The following PDE3B variants were observed in gnomAD, a reference collection of about 807,000 sequenced individuals.
PDE3B encodes the protein phosphodiesterase 3B, also known as cGMP-inhibited 3',5'-cyclic phosphodiesterase 3B.
Under a neutral mutation model 116.8 loss-of-function variants are expected in PDE3B, and 66 were observed. That is an observed-to-expected ratio of 0.56 (90% CI 0.46 to 0.69). The LOEUF is 0.69. Among genes scored for constraint, PDE3B ranks in the 30% least tolerant of loss-of-function variants. The pLI, the probability that PDE3B is intolerant of heterozygous loss-of-function variation, is 0.00. For missense variants in PDE3B, 1,384 were observed against 1,368.1 expected (o/e 1.01, Z -0.18); for synonymous variants, 595 against 533.6 (o/e 1.12, Z -1.59).
intron 1 of PDE3B, among the ~76,000 whole-genome samples, chr11:14,662,777 G>A (rs568073202): frequency 2.6e-5 from 4 of 152,094 alleles, no homozygotes; most frequent in East Asian, 1.9e-4. Flanking sequence ...AACAAGAAAC[G>A]AACAAAGCCT....
chr11:14,653,435 A>G (rs1268626589), intron 1 of PDE3B, among the ~76,000 whole-genome samples: 2 of 152,076 alleles, frequency 1.3e-5, no homozygotes, highest in Non-Finnish European at 2.9e-5. Context: ...GAAAAAGTAC[A>G]CAACAAAAAC....
chr11:14,754,190 G>A (rs1465775436), intron 1 of PDE3B, among the ~76,000 whole-genome samples: 2 of 151,990 alleles, frequency 1.3e-5, no homozygotes, highest in Non-Finnish European at 2.9e-5. Context: ...TCTTTTCTGA[G>A]TTACATGTAT....
At chr11:14,785,090 A>T (rs1858149127) in intron 2 of PDE3B, among the ~76,000 whole-genome samples, 1 of 152,114 alleles carries the variant, frequency 6.6e-6, no homozygotes, top group Non-Finnish European at 1.5e-5. Flanking sequence ...TTGTAATGGG[A>T]TATGGAAAAA....
At chr11:14,719,080 T>C in intron 1 of PDE3B, among the ~76,000 whole-genome samples, 1 of 78,322 alleles carries the variant, frequency 1.3e-5, no homozygotes, top group Admixed American at 1.5e-4. Context: ...TAAAAAATGA[T>C]AAAGGGGATA....
chr11:14,800,524 C>T (rs142902720), intron 4 of PDE3B, among the ~76,000 whole-genome samples: 6 of 152,266 alleles, frequency 3.9e-5, no homozygotes, highest in Admixed American at 2.0e-4. Context: ...GAGAGAGATC[C>T]GCTGTTAGTC....
rs1183554893 is a variant in PDE3B, at chr11:14,864,112, T to C, written c.2886+2746T>C. 2.0e-5 allele frequency among the ~76,000 whole-genome samples: 3 copies of C among 152,134 alleles called. No individual in the cohort carries two copies. The East Asian group carries it at 5.8e-4, about 29-fold the overall frequency. The stretch of plus-strand genomic sequence containing the variant: ...CAAAATAAAGGGATGGAGAAAGATT[T>C]ACCCAGCAAATGGAAAGCGAAAAAA... On this transcript the variant is annotated intron_variant, in intron 14 of 15. Transcript: ENST00000282096.
chr11:14,860,389 GAA>G (rs1847927010), intron 13 of PDE3B, among the ~76,000 whole-genome samples: 1 of 151,110 alleles, frequency 6.6e-6, no homozygotes, highest in Admixed American at 6.6e-5. Flanking sequence ...TTTTTTTTCT[GAA>G]AGAGTTTGGT....
At chr11:14,655,860 A>T (rs1853704240) in intron 1 of PDE3B, among the ~76,000 whole-genome samples, 1 of 152,110 alleles carries the variant, frequency 6.6e-6, no homozygotes. Flanking sequence ...TTAGTGTGGG[A>T]ATGTTACTGG....
intron 1 of PDE3B, among the ~76,000 whole-genome samples, chr11:14,727,287 T>A (rs1451856960): frequency 6.6e-6 from 1 of 152,128 alleles, no homozygotes; most frequent in Non-Finnish European, 1.5e-5. Flanking sequence ...ATTTACTATG[T>A]GGGGTCTTTT....
chr11:14,790,689 A>T (rs1729144229), intron 4 of PDE3B, among the ~76,000 whole-genome samples: 1 of 152,132 alleles, frequency 6.6e-6, no homozygotes, highest in African/African-American at 2.4e-5. Context: ...ATTAAAACAA[A>T]ATTTATGCCT....
In PDE3B at chr11:14,872,014, T is replaced by C. The variant is rs1848148590; in HGVS notation, c.*2354T>C. 1 of 152,202 alleles carries C rather than the reference T, an allele frequency of 6.6e-6. No homozygotes were observed. Among genetic ancestry groups the C allele is most frequent in the African/African-American group, 2.4e-5 (1 of 41,456 alleles). 9.4% of individuals were successfully genotyped at this position (152,202 alleles called of 1,614,324 possible). On this transcript the variant is annotated 3_prime_UTR_variant, in exon 16 of 16. Coordinates refer to ENST00000282096, the MANE Select transcript of PDE3B (RefSeq NM_000922.4). ...CTATATCTATGTACCTACTGACACA[T>C]TTTTCTCCATAAAAGTACTTTTAAA...
chr11:14,833,118 A>C (rs1484943624), intron 10 of PDE3B, among the ~76,000 whole-genome samples: 1 of 151,780 alleles, frequency 6.6e-6, no homozygotes, highest in Non-Finnish European at 1.5e-5. Flanking sequence ...CACCCAGCTA[A>C]TTTTTTATAT....
chr11:14,867,217 G>T (rs1409976965), intron 14 of PDE3B, among the ~76,000 whole-genome samples: 1 of 152,060 alleles, frequency 6.6e-6, no homozygotes, highest in East Asian at 1.9e-4. Flanking sequence ...ATGGAATTTT[G>T]CAGTTTGTCA....
intron 1 of PDE3B, among the ~76,000 whole-genome samples, chr11:14,706,800 A>G (rs1166702306): frequency 6.6e-6 from 1 of 151,964 alleles, no homozygotes; most frequent in Non-Finnish European, 1.5e-5. Context: ...GTTTTTGACC[A>G]CTTTCATACA....
At chr11:14,695,294 G>C (rs1292439599) in intron 1 of PDE3B, among the ~76,000 whole-genome samples, 2 of 152,106 alleles carry the variant, frequency 1.3e-5, no homozygotes, top group African/African-American at 2.4e-5. Context: ...TTGGGTTTCA[G>C]TTCTGTGTAG....
intron 1 of PDE3B, among the ~76,000 whole-genome samples, chr11:14,737,357 C>T (rs960925621): frequency 3.9e-5 from 6 of 152,160 alleles, no homozygotes; most frequent in African/African-American, 1.2e-4. Context: ...TGCCACTATG[C>T]CCAGCTAATT....
At chr11:14,713,247 A>C (rs550072887) in intron 1 of PDE3B, among the ~76,000 whole-genome samples, 8 of 152,312 alleles carry the variant, frequency 5.3e-5, no homozygotes, top group Admixed American at 1.3e-4. Flanking sequence ...AGTATCAACT[A>C]AGTGTTTTAA....
intron 1 of PDE3B, among the ~76,000 whole-genome samples, chr11:14,666,611 C>T (rs1330205253): frequency 1.3e-5 from 2 of 151,650 alleles, no homozygotes; most frequent in Non-Finnish European, 2.9e-5. Context: ...ACCCCATCAA[C>T]AAGTGGGTGA....
intron 10 of PDE3B, among the ~76,000 whole-genome samples, chr11:14,834,590 T>TG (rs1426872745): frequency 6.6e-6 from 1 of 152,180 alleles, no homozygotes; most frequent in African/African-American, 2.4e-5. Context: ...GACCTTTTTG[T>TG]GGGGGACACA....
Sources: allele counts gnomAD v4.1 joint callset (sites outside exome capture counted in the v4.1 genomes callset), GRCh38; gene constraint gnomAD v4.1.1; transcripts MANE v1.5; gene names NCBI Gene and HGNC (gene_info 2026-07-23, HGNC 2026-07-21).